Variants in PDZRN4 observed in about 807,000 individuals in gnomAD.
The protein encoded by PDZRN4 is PDZ domain containing ring finger 4.
In PDZRN4, 70 loss-of-function variants were observed where a neutral mutation model predicts 99.0. That is an observed-to-expected ratio of 0.71 (90% confidence interval 0.58 to 0.86). PDZRN4 has a LOEUF of 0.86. Ranked by LOEUF, PDZRN4 falls within the 40% of genes least tolerant of loss-of-function variation. The probability of loss-of-function intolerance (pLI) is 0.00; values close to 1 mark genes in which losing one functional copy is unlikely to be tolerated. For synonymous variants in PDZRN4, 551 were observed against 501.6 expected, an observed-to-expected ratio of 1.10 and a Z score of -1.32; for missense variants, 1,474 against 1,331.2, an observed-to-expected ratio of 1.11 and a Z score of -1.67.
intron 3 of PDZRN4, among the ~76,000 whole-genome samples, chr12:41,446,777 C>T (rs894870724): frequency 4.0e-5 from 6 of 150,872 alleles, no homozygotes; most frequent in African/African-American, 1.2e-4. Flanking sequence ...GAGCAAGGGG[C>T]ATCTAAGAAA....
chr12:41,441,954 T>C (rs1952683963), intron 3 of PDZRN4, among the ~76,000 whole-genome samples: 1 of 152,062 alleles, frequency 6.6e-6, no homozygotes, highest in South Asian at 2.1e-4. Flanking sequence ...TTTGATTAAC[T>C]CTCTCTGATA....
chr12:41,205,929 T>C (rs1186473255), intron 3 of PDZRN4, among the ~76,000 whole-genome samples: 2 of 151,986 alleles, frequency 1.3e-5, no homozygotes, highest in African/African-American at 4.8e-5. Context: ...GACTTTTATA[T>C]AAATAGAATC....
intron 3 of PDZRN4, among the ~76,000 whole-genome samples, chr12:41,294,096 T>G (rs1315058255): frequency 6.6e-6 from 1 of 152,176 alleles, no homozygotes. Flanking sequence ...TATAGTTTGT[T>G]TGTTTGTATC....
intron 3 of PDZRN4, among the ~76,000 whole-genome samples, chr12:41,434,288 C>T (rs866209049): frequency 2.0e-5 from 3 of 152,058 alleles, no homozygotes; most frequent in Non-Finnish European, 2.9e-5. Context: ...CCTCTGTTCT[C>T]TGCATTCGCT....
At chr12:41,425,213 C>T (rs181393766) in intron 3 of PDZRN4, among the ~76,000 whole-genome samples, 16 of 151,950 alleles carry the variant, frequency 1.1e-4, no homozygotes, top group South Asian at 2.1e-4. Flanking sequence ...TGTTGGTACA[C>T]GAACACACAC....
At chr12:41,408,045 G>C (rs963218414) in intron 3 of PDZRN4, among the ~76,000 whole-genome samples, 12 of 152,114 alleles carry the variant, frequency 7.9e-5, no homozygotes, top group African/African-American at 2.9e-4. Flanking sequence ...TGATAATAAG[G>C]CGAGTTAGCT....
intron 3 of PDZRN4, among the ~76,000 whole-genome samples, chr12:41,467,740 T>C (rs563540094): frequency 6.6e-6 from 1 of 152,332 alleles, no homozygotes; most frequent in Admixed American, 6.5e-5. Flanking sequence ...TGCCTGGTGA[T>C]ACTGGTGACT....
intron 3 of PDZRN4, among the ~76,000 whole-genome samples, chr12:41,232,650 G>A (rs1208637818): frequency 1.0e-4 from 14 of 137,954 alleles, no homozygotes; most frequent in African/African-American, 3.8e-4. Flanking sequence ...GTAGATTTTT[G>A]CTGTGCAGAA....
intron 3 of PDZRN4, among the ~76,000 whole-genome samples, chr12:41,434,956 A>G (rs183122782): frequency 6.6e-6 from 1 of 152,306 alleles, no homozygotes; most frequent in East Asian, 1.9e-4. Context: ...GGAAAACTTA[A>G]CCATCATATT....
rs1054308975 is a variant in PDZRN4, at chr12:41,506,563, T to A, written c.951T>A (p.Ser317Arg). Residue 317 changes from serine to arginine, a missense_variant, in exon 4 of 10, where the codon AGT becomes AGA. Physicochemically the swap from Ser to Arg is moderately radical, Grantham distance 110. Transcript: ENST00000402685. ...AGGTGTTAAGGCGAACACCTCTTAG[T>A]AGACCAGCCTATGGGATGGCTTCAG... Reference protein sequence around the residue: ...VVQVLRRTPLSRPAYGMASEV... With the variant: ...VVQVLRRTPLRRPAYGMASEV... 6.2e-7 allele frequency: 1 copy of A among 1,613,730 alleles called. No homozygotes were observed. The highest frequency in any genetic ancestry group is 1.3e-5 in the African/African-American group (1 of 74,900).
chr12:41,258,618 G>A (rs145407380), intron 3 of PDZRN4, among the ~76,000 whole-genome samples: 151 of 152,208 alleles, frequency 9.9e-4, no homozygotes, highest in African/African-American at 3.5e-3. Flanking sequence ...TACCAAAAAC[G>A]TGAAACTACA....
At chr12:41,254,041 G>A (rs1951188283) in intron 3 of PDZRN4, among the ~76,000 whole-genome samples, 1 of 148,140 alleles carries the variant, frequency 6.8e-6, no homozygotes, top group Non-Finnish European at 1.5e-5. Flanking sequence ...GTGCGTGTGT[G>A]TGTGTGTGTG....
At chr12:41,326,377 G>T (rs951268371) in intron 3 of PDZRN4, among the ~76,000 whole-genome samples, 3 of 152,050 alleles carry the variant, frequency 2.0e-5, no homozygotes, top group African/African-American at 7.2e-5. Flanking sequence ...GACTTTGATT[G>T]TTTCTATCCT....
intron 3 of PDZRN4, among the ~76,000 whole-genome samples, chr12:41,375,804 T>A (rs1952074642): frequency 6.6e-6 from 1 of 152,108 alleles, no homozygotes; most frequent in Non-Finnish European, 1.5e-5. Flanking sequence ...GTTGGCAAAT[T>A]TCAAATGTAA....
chr12:41,375,394 T>C (rs572767547), intron 3 of PDZRN4, among the ~76,000 whole-genome samples: 1 of 152,264 alleles, frequency 6.6e-6, no homozygotes, highest in South Asian at 2.1e-4. Flanking sequence ...ATAGATAGAA[T>C]GAAATTTCAA....
chr12:41,260,556 G>A lies in PDZRN4; in HGVS notation c.843+66368G>A, dbSNP rs369262844. Reference sequence around the variant, plus strand: ...TACATAACAGCATTATGAAACTAAGGTTGCCTTATTTAAGTATTAGTAAAG... The same window carrying A: ...TACATAACAGCATTATGAAACTAAGATTGCCTTATTTAAGTATTAGTAAAG... On this transcript the variant is annotated intron_variant, in intron 3 of 9. Coordinates refer to ENST00000402685, the MANE Select transcript of PDZRN4 (RefSeq NM_001164595.2). 2.0e-5 allele frequency among the ~76,000 whole-genome samples: 3 copies of A among 151,990 alleles called. No homozygotes were observed. The East Asian group carries it at 5.8e-4, about 29-fold the overall frequency.
At chr12:41,201,262 G>A (rs1481728397) in intron 3 of PDZRN4, among the ~76,000 whole-genome samples, 1 of 151,094 alleles carries the variant, frequency 6.6e-6, no homozygotes. Flanking sequence ...TGTCTAACTG[G>A]TATTCTGTGC....
chr12:41,506,555 C>G lies in PDZRN4; in HGVS notation c.943C>G (p.Pro315Ala). Residue 315 changes from proline to alanine, a missense_variant, in exon 4 of 10, where the codon CCT becomes GCT. Coordinates refer to ENST00000402685, the MANE Select transcript of PDZRN4 (RefSeq NM_001164595.2). ...TGTGGTGCAGGTGTTAAGGCGAACA[C>G]CTCTTAGTAGACCAGCCTATGGGAT... Reference protein sequence around the residue: ...PIVVQVLRRTPLSRPAYGMAS... With the variant: ...PIVVQVLRRTALSRPAYGMAS... 1.9e-6 allele frequency: 3 copies of G among 1,613,818 alleles called. No individual in the cohort carries two copies. The highest frequency in any genetic ancestry group is 2.5e-6 in the Non-Finnish European group (3 of 1,179,844).
chr12:41,554,732 C>A (rs570547728), intron 6 of PDZRN4, among the ~76,000 whole-genome samples: 49 of 152,104 alleles, frequency 3.2e-4, no homozygotes, highest in African/African-American at 1.2e-3. Flanking sequence ...TCTATACATT[C>A]TAAAATAGTT....
Sources: gnomAD v4.1 joint callset for allele counts (sites outside exome capture counted in the v4.1 genomes callset) on GRCh38, gnomAD v4.1.1 for gene constraint, MANE v1.5 for transcripts, NCBI Gene and HGNC (gene_info 2026-07-23, HGNC 2026-07-21) for gene names.